Variants in CTDSPL2 observed in about 807,000 individuals in gnomAD.
The protein encoded by CTDSPL2 is CTD small phosphatase-like protein 2.
CTDSPL2 carries 5 observed loss-of-function variants against 60.0 expected under a neutral mutation model. The observed-to-expected ratio is 0.08, with a 90% CI of 0.04 to 0.18. The LOEUF is 0.18. Among genes scored for constraint, CTDSPL2 ranks in the 10% least tolerant of loss-of-function variants. The probability of loss-of-function intolerance (pLI) is 1.00; values close to 1 mark genes in which losing one functional copy is unlikely to be tolerated. For missense variants in CTDSPL2, 370 were observed against 548.8 expected, an observed-to-expected ratio of 0.67 and a Z score of 3.26; for synonymous variants, 186 against 189.3, an observed-to-expected ratio of 0.98 and a Z score of 0.14.
chr15:44,428,062 C>A, intron 1 of CTDSPL2: 1 of 184,968 alleles, frequency 5.4e-6, no homozygotes, highest in Non-Finnish European at 1.1e-5. Context: ...CCCACCCCCA[C>A]TCCGATCTCA....
chr15:44,482,945 C>T (rs1003525902), intron 2 of CTDSPL2, among the ~76,000 whole-genome samples: 1 of 152,102 alleles, frequency 6.6e-6, no homozygotes, highest in Admixed American at 6.6e-5. Flanking sequence ...TTATGTAGGG[C>T]AGTATTATAG....
At position 44,496,369 on chromosome 15, in the gene CTDSPL2, A is replaced by AT. The variant is rs777461288; in HGVS notation, c.692-10dup. On this transcript the variant is annotated splice_polypyrimidine_tract_variant and intron_variant, in intron 5 of 12. Transcript: ENST00000260327. ...TAAAAGCAACATTTTTTCTTTCACT[A>AT]TGTTAAATAGCACCAGTAACTCCAG... 1 of 1,599,188 alleles carries AT rather than the reference A, an allele frequency of 6.3e-7. No individual in the cohort carries two copies. The highest frequency in any genetic ancestry group is 8.6e-7 in the Non-Finnish European group (1 of 1,168,704).
intron 1 of CTDSPL2, chr15:44,448,719 C>T: frequency 3.0e-6 from 1 of 338,692 alleles, no homozygotes; most frequent in Non-Finnish European, 5.8e-6. Context: ...TGCCTTTATT[C>T]AGGTGATTGG....
intron 12 of CTDSPL2, among the ~76,000 whole-genome samples, chr15:44,523,608 A>G (rs2081825443): frequency 6.6e-6 from 1 of 152,172 alleles, no homozygotes. Context: ...CCTGTCATTC[A>G]TTCATTCATT....
At chr15:44,441,743 A>T (rs1391996275) in intron 1 of CTDSPL2, among the ~76,000 whole-genome samples, 1 of 151,862 alleles carries the variant, frequency 6.6e-6, no homozygotes, top group East Asian at 1.9e-4. Context: ...TTTGTAGTTT[A>T]TTCATGTTTT....
intron 12 of CTDSPL2, among the ~76,000 whole-genome samples, chr15:44,523,575 C>T (rs979750259): frequency 3.3e-5 from 5 of 152,154 alleles, no homozygotes; most frequent in Admixed American, 3.3e-4. Flanking sequence ...CACTGCATTC[C>T]AGCCTGGGTG....
chr15:44,509,801 C>A (rs1014081291), intron 8 of CTDSPL2, among the ~76,000 whole-genome samples: 2 of 151,676 alleles, frequency 1.3e-5, no homozygotes, highest in Non-Finnish European at 2.9e-5. Flanking sequence ...TGGCATGCGC[C>A]TATAGCCCCA....
At chr15:44,504,329 G>A (rs529221084) in intron 8 of CTDSPL2, among the ~76,000 whole-genome samples, 6 of 152,206 alleles carry the variant, frequency 3.9e-5, no homozygotes, top group South Asian at 2.1e-4. Flanking sequence ...CAGCCTGGGC[G>A]ACAAAGCGAG....
At chr15:44,466,824 A>G (rs2080705431) in intron 2 of CTDSPL2, among the ~76,000 whole-genome samples, 1 of 151,854 alleles carries the variant, frequency 6.6e-6, no homozygotes, top group Non-Finnish European at 1.5e-5. Flanking sequence ...CTGTAGTCCC[A>G]GCTACTCAGG....
intron 2 of CTDSPL2, among the ~76,000 whole-genome samples, chr15:44,480,290 T>C (rs2081002322): frequency 1.3e-5 from 2 of 152,190 alleles, no homozygotes; most frequent in Admixed American, 1.3e-4. Context: ...ACTACCTACC[T>C]GTTAGGTATT....
chr15:44,451,162 G>A (rs1251977570), intron 1 of CTDSPL2, among the ~76,000 whole-genome samples: 1 of 152,104 alleles, frequency 6.6e-6, no homozygotes, highest in Non-Finnish European at 1.5e-5. Context: ...GTGCAGTGGT[G>A]TGCTATGGCT....
chr15:44,440,714 G>A (rs1351396895), intron 1 of CTDSPL2, among the ~76,000 whole-genome samples: 1 of 151,736 alleles, frequency 6.6e-6, no homozygotes, highest in Non-Finnish European at 1.5e-5. Flanking sequence ...GCCTCTTGAG[G>A]TTGTAATTTA....
At chr15:44,440,033 G>A (rs2080052950) in intron 1 of CTDSPL2, among the ~76,000 whole-genome samples, 1 of 152,018 alleles carries the variant, frequency 6.6e-6, no homozygotes, top group Non-Finnish European at 1.5e-5. Context: ...TTTCTGTGTT[G>A]GAGGTTTTTT....
intron 1 of CTDSPL2, among the ~76,000 whole-genome samples, chr15:44,433,732 A>C (rs117403460): frequency 6.7e-6 from 1 of 149,570 alleles, no homozygotes; most frequent in Non-Finnish European, 1.5e-5. Flanking sequence ...GTGCAGTGGC[A>C]TGAGTTGAGG....
intron 10 of CTDSPL2, 147 bp downstream of exon 10, chr15:44,514,991 T>TA (rs1424286296): frequency 1.9e-6 from 1 of 525,228 alleles, no homozygotes; most frequent in Non-Finnish European, 3.4e-6. Flanking sequence ...CTAAACTCTT[T>TA]AAAAGAGTTC....
chr15:44,496,256 A>G, intron 5 of CTDSPL2, 124 bp from the exon 6 acceptor site: 1 of 648,310 alleles, frequency 1.5e-6, no homozygotes, highest in South Asian at 2.1e-5. Flanking sequence ...TTAGGTGTTT[A>G]CAAGTTATTT....
chr15:44,484,985 T>C (rs1447306289), intron 3 of CTDSPL2, among the ~76,000 whole-genome samples: 1 of 152,204 alleles, frequency 6.6e-6, no homozygotes, highest in African/African-American at 2.4e-5. Context: ...TTGAAATATA[T>C]ACCAAATTTC....
intron 3 of CTDSPL2, 60 bp downstream of exon 3, chr15:44,484,422 TTTC>T (rs1333827440): frequency 6.8e-7 from 1 of 1,479,742 alleles, no homozygotes; most frequent in Admixed American, 1.9e-5. Flanking sequence ...ACCTGACACA[TTTC>T]TTATCTATTT....
intron 2 of CTDSPL2, among the ~76,000 whole-genome samples, chr15:44,462,320 A>G (rs2080587850): frequency 6.6e-6 from 1 of 152,160 alleles, no homozygotes; most frequent in Non-Finnish European, 1.5e-5. Context: ...ATTTTGGCTC[A>G]TGTCAACTGG....
Sources: allele counts gnomAD v4.1 joint callset (sites outside exome capture counted in the v4.1 genomes callset), GRCh38; gene constraint gnomAD v4.1.1; transcripts MANE v1.5; gene names NCBI Gene and HGNC (gene_info 2026-07-23, HGNC 2026-07-21).